GPC5: variants seen among roughly 807,000 people sequenced by gnomAD.
GPC5 encodes the protein glypican-5.
GPC5 carries 47 observed loss-of-function variants against 53.9 expected under a neutral mutation model. The observed-to-expected ratio is 0.87, with a 90% confidence interval of 0.69 to 1.11. GPC5 has a LOEUF of 1.11. GPC5 is among the 50% of genes most tolerant of loss of function. GPC5 has a pLI of 0.00. For missense variants in GPC5, 748 were observed against 713.1 expected (o/e 1.05, Z -0.56); for synonymous variants, 286 against 263.3 (o/e 1.09, Z -0.84).
At chr13:91,847,314 G>T (rs573908355) in intron 5 of GPC5, among the ~76,000 whole-genome samples, 1 of 151,790 alleles carries the variant, frequency 6.6e-6, no homozygotes, top group South Asian at 2.1e-4. Context: ...CTCCTTTAAG[G>T]ATGGCTGTTA....
chr13:91,947,141 G>T (rs1406509742), intron 6 of GPC5, among the ~76,000 whole-genome samples: 2 of 152,090 alleles, frequency 1.3e-5, no homozygotes, highest in Non-Finnish European at 2.9e-5. Context: ...TACTTTTAGT[G>T]TATTCATCTC....
chr13:91,952,189 C>CTATGTG (rs138325351), intron 6 of GPC5, among the ~76,000 whole-genome samples: 10,036 of 119,338 alleles, frequency 0.084, 462 homozygotes, highest in African/African-American at 0.13. Context: ...CTCTCTCTCT[C>CTATGTG]TGTGTGTGTG....
intron 7 of GPC5, among the ~76,000 whole-genome samples, chr13:92,577,442 G>GTGTGTT (rs1170893690): frequency 1.3e-5 from 2 of 151,920 alleles, no homozygotes; most frequent in Admixed American, 6.6e-5. Context: ...GTGTGTGTGT[G>GTGTGTT]TGTGTGTGTC....
At chr13:92,368,250 G>T (rs868476788) in intron 7 of GPC5, among the ~76,000 whole-genome samples, 2 of 151,650 alleles carry the variant, frequency 1.3e-5, no homozygotes, top group Admixed American at 6.6e-5. Context: ...CTCCCAAAGT[G>T]CTGGGATTAC....
At chr13:91,516,972 A>T (rs1301882790) in intron 2 of GPC5, among the ~76,000 whole-genome samples, 1 of 152,108 alleles carries the variant, frequency 6.6e-6, no homozygotes, top group African/African-American at 2.4e-5. Context: ...CAGGGCACTA[A>T]GTCTCTAGGC....
intron 7 of GPC5, among the ~76,000 whole-genome samples, chr13:92,416,908 CATACAGATGTAA>C (rs1427294508): frequency 4.6e-5 from 7 of 152,192 alleles, no homozygotes; most frequent in African/African-American, 1.7e-4. Flanking sequence ...AATGTATTTA[CATACAGATGTAA>C]ATACAGATGT....
At chr13:92,817,968 C>T (rs1184965991) in intron 7 of GPC5, among the ~76,000 whole-genome samples, 1 of 150,794 alleles carries the variant, frequency 6.6e-6, no homozygotes, top group Non-Finnish European at 1.5e-5. Context: ...AAACTTTCCA[C>T]CTGGGTAATG....
At chr13:92,208,924 G>T (rs2042356121) in intron 7 of GPC5, among the ~76,000 whole-genome samples, 1 of 152,158 alleles carries the variant, frequency 6.6e-6, no homozygotes, top group Admixed American at 6.5e-5. Flanking sequence ...CAAGTTCACA[G>T]AGGATATTTA....
At chr13:92,226,059 C>T (rs1177316389) in intron 7 of GPC5, among the ~76,000 whole-genome samples, 1 of 152,110 alleles carries the variant, frequency 6.6e-6, no homozygotes, top group African/African-American at 2.4e-5. Flanking sequence ...AAAATGAGTT[C>T]TCACAAGATC....
intron 7 of GPC5, among the ~76,000 whole-genome samples, chr13:92,840,920 A>T (rs1305311636): frequency 6.6e-6 from 1 of 152,122 alleles, no homozygotes; most frequent in Non-Finnish European, 1.5e-5. Flanking sequence ...TTTGATGTAC[A>T]GAAACACAAC....
At chr13:91,622,522 G>A (rs1220513911) in intron 2 of GPC5, among the ~76,000 whole-genome samples, 1 of 151,956 alleles carries the variant, frequency 6.6e-6, no homozygotes, top group East Asian at 1.9e-4. Flanking sequence ...AAATATTCAC[G>A]AAGTACTATA....
intron 6 of GPC5, among the ~76,000 whole-genome samples, chr13:92,072,907 C>T (rs2138868314): frequency 6.6e-6 from 1 of 152,196 alleles, no homozygotes; most frequent in East Asian, 1.9e-4. Context: ...ATCAAAAGAG[C>T]AAAAATTATC....
chr13:91,951,722 A>C lies in GPC5; in HGVS notation c.1401+43665A>C, dbSNP rs1162620525. ...TGACTACAGTAGAATTAAGGAATAA[A>C]ATTAGAGGTGTGTCTCCAAGGTAGA... is the stretch of plus-strand genomic sequence containing the variant. On this transcript the variant is annotated intron_variant, in intron 6 of 7. Coordinates refer to ENST00000377067, the MANE Select transcript of GPC5 (RefSeq NM_004466.6). Among the ~76,000 whole-genome samples, 3 of 152,134 alleles carry C rather than the reference A, an allele frequency of 2.0e-5. No individual in the cohort carries two copies. The East Asian group carries it at 5.8e-4, about 29-fold the overall frequency.
At chr13:91,647,290 C>T (rs2034584287) in intron 2 of GPC5, among the ~76,000 whole-genome samples, 1 of 152,160 alleles carries the variant, frequency 6.6e-6, no homozygotes. Context: ...TATAGGTTAG[C>T]ACTGTCATCG....
intron 7 of GPC5, among the ~76,000 whole-genome samples, chr13:92,456,012 G>A (rs941723269): frequency 4.7e-4 from 71 of 152,156 alleles, no homozygotes; most frequent in African/African-American, 1.6e-3. Context: ...ACATCCAAAT[G>A]CTAACACATT....
intron 6 of GPC5, among the ~76,000 whole-genome samples, chr13:91,971,068 A>G (rs2139091081): frequency 6.6e-6 from 1 of 152,346 alleles, no homozygotes; most frequent in East Asian, 1.9e-4. Flanking sequence ...TACCTCTGGT[A>G]GAATTTGGCT....
chr13:91,908,898 A>T (rs1237603797), intron 6 of GPC5, among the ~76,000 whole-genome samples: 1 of 152,174 alleles, frequency 6.6e-6, no homozygotes, highest in Non-Finnish European at 1.5e-5. Flanking sequence ...ATACCTGAAT[A>T]GTACAGAGTT....
intron 3 of GPC5, among the ~76,000 whole-genome samples, chr13:91,719,997 A>G (rs1173706035): frequency 6.6e-6 from 1 of 152,170 alleles, no homozygotes; most frequent in Admixed American, 6.5e-5. Context: ...ACACTTCCAC[A>G]CTATGGAAAA....
chr13:92,166,509 A>G (rs1037669021), intron 7 of GPC5, among the ~76,000 whole-genome samples: 1 of 152,250 alleles, frequency 6.6e-6, no homozygotes, highest in East Asian at 1.9e-4. Context: ...ACATAAACCC[A>G]TCAGATAAAG....
Sources: allele counts gnomAD v4.1 joint callset (sites outside exome capture counted in the v4.1 genomes callset), GRCh38; gene constraint gnomAD v4.1.1; transcripts MANE v1.5; gene names NCBI Gene and HGNC (gene_info 2026-07-23, HGNC 2026-07-21).